Variants in BANK1 observed in about 807,000 individuals in gnomAD.
BANK1 encodes the protein B-cell scaffold protein with ankyrin repeats.
A neutral mutation model predicts 94.5 loss-of-function variants in BANK1; 95 were observed. The observed-to-expected ratio is 1.00, with a 90% CI of 0.85 to 1.19. The LOEUF is 1.19. Among genes scored for constraint, BANK1 ranks in the 50% most tolerant of loss-of-function variants. BANK1 has a pLI of 0.00. For synonymous variants in BANK1, 334 were observed against 308.4 expected (o/e 1.08, Z -0.87); for missense variants, 987 against 932.2 (o/e 1.06, Z -0.77).
At chr4:102,038,181 T>C (rs1178487260) in intron 10 of BANK1, among the ~76,000 whole-genome samples, 1 of 152,134 alleles carries the variant, frequency 6.6e-6, no homozygotes, top group Non-Finnish European at 1.5e-5. Context: ...GAACAAAATA[T>C]TAGAGTACCA....
At chr4:101,855,365 C>A (rs1312346775) in intron 3 of BANK1, among the ~76,000 whole-genome samples, 176 bp downstream of exon 3, 1 of 152,134 alleles carries the variant, frequency 6.6e-6, no homozygotes, top group African/African-American at 2.4e-5. Context: ...AGGCATGAGC[C>A]ACCGCATCCA....
intron 5 of BANK1, among the ~76,000 whole-genome samples, chr4:101,886,681 G>A (rs952929372): frequency 8.0e-5 from 12 of 149,186 alleles, no homozygotes; most frequent in African/African-American, 2.7e-4. Context: ...ATGTCATTAA[G>A]TATCTCCATT....
intron 7 of BANK1, among the ~76,000 whole-genome samples, chr4:101,919,045 G>A (rs899765231): frequency 7.9e-5 from 12 of 151,838 alleles, no homozygotes; most frequent in Admixed American, 2.6e-4. Context: ...TGTCATATAT[G>A]CTAGTTTTTA....
At chr4:101,994,406 AG>A (rs1348106088) in intron 7 of BANK1, among the ~76,000 whole-genome samples, 10 of 152,204 alleles carry the variant, frequency 6.6e-5, no homozygotes, top group Admixed American at 5.9e-4. Context: ...GCTTTTGGAC[AG>A]GGTTGTACAT....
intron 2 of BANK1, among the ~76,000 whole-genome samples, chr4:101,849,608 A>C (rs913631628): frequency 1.3e-5 from 2 of 152,200 alleles, no homozygotes; most frequent in African/African-American, 4.8e-5. Context: ...TGTATGTATT[A>C]ACACATACTA....
At chr4:101,825,349 A>G (rs774631890) in intron 1 of BANK1, among the ~76,000 whole-genome samples, 18 of 152,164 alleles carry the variant, frequency 1.2e-4, no homozygotes, top group Non-Finnish European at 5.9e-5. Flanking sequence ...CCACTGGGCT[A>G]CTTTTGAGAA....
chr4:101,982,836 A>G (rs1251832082), intron 7 of BANK1, among the ~76,000 whole-genome samples: 1 of 151,746 alleles, frequency 6.6e-6, no homozygotes, highest in African/African-American at 2.4e-5. Context: ...ATCAAGTTAA[A>G]CCGGTTTTAC....
intron 1 of BANK1, among the ~76,000 whole-genome samples, chr4:101,819,801 T>C (rs1726068395): frequency 6.6e-6 from 1 of 152,046 alleles, no homozygotes; most frequent in Admixed American, 6.6e-5. Flanking sequence ...GAAGGGAACA[T>C]CAGAACACTC....
At chr4:101,993,874 T>G (rs1295402440) in intron 7 of BANK1, among the ~76,000 whole-genome samples, 1 of 152,202 alleles carries the variant, frequency 6.6e-6, no homozygotes, top group African/African-American at 2.4e-5. Flanking sequence ...CTTACCAATT[T>G]TATATTTGCT....
chr4:101,973,057 T>G (rs1284556957), intron 7 of BANK1, among the ~76,000 whole-genome samples: 2 of 144,940 alleles, frequency 1.4e-5, no homozygotes, highest in Non-Finnish European at 3.0e-5. Context: ...TCTGTGGTGG[T>G]TTTTTTTTTA....
chr4:101,791,354 T>C (rs543356764), intron 1 of BANK1, among the ~76,000 whole-genome samples: 1 of 152,342 alleles, frequency 6.6e-6, no homozygotes, highest in African/African-American at 2.4e-5. Context: ...AAACCGCTCA[T>C]GTGTAGCGTC....
chr4:102,005,047 A>G (rs1186313080), intron 7 of BANK1, among the ~76,000 whole-genome samples: 2 of 152,112 alleles, frequency 1.3e-5, no homozygotes, highest in Non-Finnish European at 2.9e-5. Context: ...CATGAATTAC[A>G]CAATGTTTCT....
chr4:101,947,413 T>A (rs1383459548), intron 7 of BANK1, among the ~76,000 whole-genome samples: 5 of 150,566 alleles, frequency 3.3e-5, no homozygotes, highest in Non-Finnish European at 7.4e-5. Flanking sequence ...GGGATGCCCA[T>A]GAGTCTAGAA....
At chr4:101,912,018 G>A (rs78239008) in intron 6 of BANK1, among the ~76,000 whole-genome samples, 3,905 of 152,106 alleles carry the variant, frequency 0.026, 180 homozygotes, top group African/African-American at 0.09. Context: ...AGGAAAATAT[G>A]CATGGGTTGG....
chr4:101,855,638 C>G (rs1727652650), intron 3 of BANK1, among the ~76,000 whole-genome samples: 1 of 152,168 alleles, frequency 6.6e-6, no homozygotes, highest in South Asian at 2.1e-4. Flanking sequence ...TGCAATAGCT[C>G]TCAAGCTAGT....
intron 10 of BANK1, among the ~76,000 whole-genome samples, chr4:102,031,204 T>G (rs1365262673): frequency 6.6e-6 from 1 of 152,222 alleles, no homozygotes; most frequent in Non-Finnish European, 1.5e-5. Flanking sequence ...TGATGAGCAT[T>G]TTTTCAAGTG....
intron 6 of BANK1, among the ~76,000 whole-genome samples, chr4:101,911,445 G>A (rs1340937215): frequency 6.6e-6 from 1 of 152,034 alleles, no homozygotes; most frequent in Non-Finnish European, 1.5e-5. Context: ...TTGTTTCCTA[G>A]TATATGATTT....
intron 7 of BANK1, among the ~76,000 whole-genome samples, chr4:101,937,036 T>A (rs571128948): frequency 8.8e-4 from 134 of 151,766 alleles, no homozygotes; most frequent in Non-Finnish European, 1.4e-3. Context: ...ATAGCCAATA[T>A]TTGGAAGCTA....
intron 7 of BANK1, among the ~76,000 whole-genome samples, chr4:102,007,136 A>ATATAT (rs1172432805): frequency 2.8e-4 from 11 of 39,248 alleles, no homozygotes; most frequent in African/African-American, 1.2e-3. Flanking sequence ...ATATATATAA[A>ATATAT]AAATATATTT....
Sources: gnomAD v4.1 joint callset for allele counts (sites outside exome capture counted in the v4.1 genomes callset) on GRCh38, gnomAD v4.1.1 for gene constraint, MANE v1.5 for transcripts, NCBI Gene and HGNC (gene_info 2026-07-23, HGNC 2026-07-21) for gene names.